The following TC2N variants were observed in gnomAD, a reference collection of about 807,000 sequenced individuals.
The protein encoded by TC2N is tandem C2 domains nuclear protein.
A neutral mutation model predicts 61.9 loss-of-function variants in TC2N; 51 were observed. That is an observed-to-expected ratio of 0.82 (90% confidence interval 0.66 to 1.04). TC2N has a LOEUF of 1.04. TC2N is among the 50% of genes least tolerant of loss of function. The pLI, the probability that TC2N is intolerant of heterozygous loss-of-function variation, is 0.00. For synonymous variants in TC2N, 204 were observed against 192.6 expected, an observed-to-expected ratio of 1.06 and a Z score of -0.49; for missense variants, 556 against 566.7, an observed-to-expected ratio of 0.98 and a Z score of 0.19.
At chr14:91,820,247 T>C (rs1373035635) in intron 1 of TC2N, among the ~76,000 whole-genome samples, 2 of 151,982 alleles carry the variant, frequency 1.3e-5, no homozygotes, top group African/African-American at 2.4e-5. Context: ...GCAAGCCAAA[T>C]CCAGAAACGT....
chr14:91,820,543 A>AG (rs1481276485), intron 1 of TC2N, among the ~76,000 whole-genome samples: 8 of 151,694 alleles, frequency 5.3e-5, no homozygotes, highest in African/African-American at 1.9e-4. Context: ...CTCTAAAGCC[A>AG]GGAAAAAAAA....
chr14:91,801,047 T>TAC (rs902642846), intron 4 of TC2N, among the ~76,000 whole-genome samples: 1 of 150,272 alleles, frequency 6.7e-6, no homozygotes, highest in African/African-American at 2.5e-5. Flanking sequence ...TATACATATA[T>TAC]ACATATATAC....
At chr14:91,860,504 C>A (rs944783816) in intron 1 of TC2N, among the ~76,000 whole-genome samples, 1 of 152,172 alleles carries the variant, frequency 6.6e-6, no homozygotes, top group African/African-American at 2.4e-5. Flanking sequence ...GATCTTGGAG[C>A]ATTGATTAGC....
intron 3 of TC2N, among the ~76,000 whole-genome samples, chr14:91,805,985 G>A (rs944897805): frequency 6.6e-6 from 1 of 152,152 alleles, no homozygotes; most frequent in African/African-American, 2.4e-5. Flanking sequence ...GAGAGACCTG[G>A]TGGGAGATAA....
intron 10 of TC2N, 152 bp from the exon 11 acceptor site, chr14:91,785,513 T>C: frequency 1.7e-6 from 1 of 600,872 alleles, no homozygotes; most frequent in Admixed American, 3.1e-5. Context: ...GCTACGACCA[T>C]AACAGAAAAC....
chr14:91,861,837 G>A (rs1888594226), intron 1 of TC2N, among the ~76,000 whole-genome samples: 1 of 152,158 alleles, frequency 6.6e-6, no homozygotes, highest in African/African-American at 2.4e-5. Context: ...GAGCCTGGAA[G>A]GTGGAAGTTG....
chr14:91,813,238 G>A (rs1167046372), intron 2 of TC2N, among the ~76,000 whole-genome samples: 2 of 151,730 alleles, frequency 1.3e-5, no homozygotes, highest in Non-Finnish European at 3.0e-5. Flanking sequence ...ATAGTTATGA[G>A]TCTCTTCCCC....
chr14:91,804,633 G>A (rs60319768), intron 3 of TC2N, among the ~76,000 whole-genome samples: 1 of 151,978 alleles, frequency 6.6e-6, no homozygotes, highest in African/African-American at 2.4e-5. Flanking sequence ...AAAACATAAT[G>A]TTGAATGAGA....
Position 91,837,279 on chromosome 14 carries a change from G to A in TC2N, c.-56-23454C>T, listed in dbSNP as rs1476929555. On this transcript the variant is annotated intron_variant, in intron 1 of 11. Coordinates refer to ENST00000435962, the MANE Select transcript of TC2N (RefSeq NM_001128596.3). This position sits in a 1 kb window ranked among gnomAD's most constrained non-coding sequence, Gnocchi z 4.2. The stretch of plus-strand genomic sequence containing the variant: ...CGCCCAGGCTGGAGTGTAGCGGTGC[G>A]CCCGTGGCTCAGTGCAGCCTCGACC... Among the ~76,000 whole-genome samples, 3 of 152,190 alleles carry A rather than the reference G, an allele frequency of 2.0e-5. No individual in the cohort carries two copies. Among genetic ancestry groups the A allele is most frequent in the African/African-American group, 7.2e-5 (3 of 41,446 alleles).
chr14:91,825,758 TATCTAA>T (rs1887468106), intron 1 of TC2N, among the ~76,000 whole-genome samples: 1 of 152,198 alleles, frequency 6.6e-6, no homozygotes, highest in Admixed American at 6.5e-5. Context: ...ATACATGCCA[TATCTAA>T]ATTAGCTTTA....
At chr14:91,832,088 T>C (rs1165150332) in intron 1 of TC2N, among the ~76,000 whole-genome samples, 11 of 152,150 alleles carry the variant, frequency 7.2e-5, no homozygotes, top group Non-Finnish European at 1.5e-4. Context: ...GAGCTTCTAT[T>C]ACAGAAATCC....
chr14:91,796,947 A>T (rs1885926490), intron 8 of TC2N, among the ~76,000 whole-genome samples: 1 of 127,724 alleles, frequency 7.8e-6, no homozygotes, highest in South Asian at 2.9e-4. Flanking sequence ...CTTCAAACAA[A>T]ACTTCCAAGA....
chr14:91,798,129 A>AT (rs1302019024), intron 7 of TC2N, among the ~76,000 whole-genome samples, 170 bp downstream of exon 7: 1 of 151,906 alleles, frequency 6.6e-6, no homozygotes, highest in Admixed American at 6.6e-5. Flanking sequence ...CATACTACAG[A>AT]TTTTTTTCTT....
At chr14:91,850,801 G>T (rs1314067385) in intron 1 of TC2N, among the ~76,000 whole-genome samples, 1 of 152,148 alleles carries the variant, frequency 6.6e-6, no homozygotes, top group Non-Finnish European at 1.5e-5. Context: ...TGTGGTGGCA[G>T]GAGCCTGTAA....
At chr14:91,796,241 TATATATAC>T (rs1885890093) in intron 8 of TC2N, among the ~76,000 whole-genome samples, 1 of 152,074 alleles carries the variant, frequency 6.6e-6, no homozygotes, top group Non-Finnish European at 1.5e-5. Flanking sequence ...GATCCCAATA[TATATATAC>T]ATATATACAT....
chr14:91,830,830 T>A (rs1164735425), intron 1 of TC2N, among the ~76,000 whole-genome samples: 1 of 152,188 alleles, frequency 6.6e-6, no homozygotes, highest in Non-Finnish European at 1.5e-5. Context: ...AAGGACAGGA[T>A]TTTTTTCCTT....
chr14:91,806,479 G>A (rs1283664903), intron 3 of TC2N, among the ~76,000 whole-genome samples: 1 of 152,120 alleles, frequency 6.6e-6, no homozygotes, highest in East Asian at 1.9e-4. Flanking sequence ...AGGCCAAGGT[G>A]GTCTCAGGTA....
In TC2N at chr14:91,811,136, A is replaced by C. The variant is rs949556607; in HGVS notation, c.301+1176T>G. Among the ~76,000 whole-genome samples the C allele has an allele frequency of 4.6e-5, 7 of 152,140 alleles. No homozygotes were observed. The East Asian group carries it at 1.3e-3, about 29-fold the overall frequency. On this transcript the variant is annotated intron_variant, in intron 3 of 11. Transcript: ENST00000435962. The stretch of plus-strand genomic sequence containing the variant: ...TGTAAAATTTATGCCAAAAGAAGAA[A>C]ACTGTAAAGAGATCGTTGAACCCAG...
intron 1 of TC2N, among the ~76,000 whole-genome samples, chr14:91,840,291 G>A (rs2139908663): frequency 6.6e-6 from 1 of 152,204 alleles, no homozygotes; most frequent in East Asian, 1.9e-4. Flanking sequence ...TACTCTGATA[G>A]GCACTGTCAT....
Sources: allele counts gnomAD v4.1 joint callset (sites outside exome capture counted in the v4.1 genomes callset), GRCh38; gene constraint gnomAD v4.1.1; non-coding constraint Gnocchi (gnomAD v3.1); transcripts MANE v1.5; gene names NCBI Gene and HGNC (gene_info 2026-07-23, HGNC 2026-07-21).